REV1: variants seen among roughly 807,000 people sequenced by gnomAD.
REV1 encodes REV1 DNA directed polymerase.
Under a neutral mutation model 137.4 loss-of-function variants are expected in REV1, and 42 were observed. The ratio of observed to expected loss-of-function variants is 0.31; its 90% CI spans 0.24 to 0.40. The LOEUF is 0.40. REV1 is among the 10% of genes least tolerant of loss of function. The pLI, the probability that REV1 is intolerant of heterozygous loss-of-function variation, is 1.00. For synonymous variants in REV1, 524 were observed against 519.2 expected (o/e 1.01, Z -0.12); for missense variants, 1,282 against 1,490.1 (o/e 0.86, Z 2.30).
chr2:99,405,849 AT>A, intron 17 of REV1, 60 bp downstream of exon 17: 1 of 1,146,296 alleles, frequency 8.7e-7, no homozygotes, highest in Non-Finnish European at 1.2e-6. Context: ...GTAAACTTGT[AT>A]TTTTGTATTT....
chr2:99,430,241 G>T (rs1679945880), intron 8 of REV1, among the ~76,000 whole-genome samples: 1 of 151,604 alleles, frequency 6.6e-6, no homozygotes, highest in Non-Finnish European at 1.5e-5. Context: ...ATAACACACA[G>T]TCCCTGGAGG....
rs550040221 is a variant in REV1, at chr2:99,451,430, G to T, written c.182-1926C>A. 1.1e-4 allele frequency: 141 copies of T among 1,303,714 alleles called. 2 individuals are homozygous for T. The South Asian group carries it at 1.6e-3, about 15-fold the overall frequency. 80.8% of individuals were successfully genotyped at this position (1,303,714 alleles called of 1,614,324 possible). On this transcript the variant is annotated intron_variant, in intron 3 of 22. Transcript: ENST00000258428. ...TTGCCCTTCTACTGGATGAAGTTAA[G>T]AGGGCTCTTTGAAGTTCACTTCTGA...
intron 9 of REV1, among the ~76,000 whole-genome samples, chr2:99,426,514 A>G (rs1009800879): frequency 6.6e-6 from 1 of 152,188 alleles, no homozygotes; most frequent in Admixed American, 6.5e-5. Context: ...ACCCAGAGAA[A>G]ACTGTTTAAG....
At chr2:99,425,793 T>G (rs1008906091) in intron 9 of REV1, among the ~76,000 whole-genome samples, 1 of 152,128 alleles carries the variant, frequency 6.6e-6, no homozygotes, top group African/African-American at 2.4e-5. Flanking sequence ...TCCCAGCACT[T>G]TGGGAGGCCG....
chr2:99,428,168 A>G (rs1166849705), intron 9 of REV1, among the ~76,000 whole-genome samples: 1 of 152,130 alleles, frequency 6.6e-6, no homozygotes, highest in Non-Finnish European at 1.5e-5. Context: ...CGGAGCTCGC[A>G]TTTTACCAAC....
At chr2:99,428,826 A>T (rs1007688310) in intron 9 of REV1, among the ~76,000 whole-genome samples, 5 of 151,700 alleles carry the variant, frequency 3.3e-5, no homozygotes, top group Non-Finnish European at 4.4e-5. Context: ...TGCCTCTACT[A>T]AAAAAATACA....
chr2:99,460,709 G>A (rs1684086967), intron 3 of REV1, among the ~76,000 whole-genome samples: 1 of 151,794 alleles, frequency 6.6e-6, no homozygotes, highest in African/African-American at 2.4e-5. Flanking sequence ...ATATCTCGGT[G>A]AAATTCAGCA....
chr2:99,445,117 T>C (rs1682029855), intron 4 of REV1, among the ~76,000 whole-genome samples: 1 of 135,484 alleles, frequency 7.4e-6, no homozygotes, highest in Non-Finnish European at 1.6e-5. Context: ...TCCTACAGCC[T>C]CTGCGTTTAG....
intron 14 of REV1, among the ~76,000 whole-genome samples, chr2:99,409,866 C>T (rs57289066): frequency 2.2e-5 from 2 of 92,802 alleles, no homozygotes; most frequent in African/African-American, 4.2e-5. Context: ...CCCCCCCCCC[C>T]CAAAAAAAAC....
chr2:99,428,303 G>C (rs1679644998), intron 9 of REV1, among the ~76,000 whole-genome samples: 2 of 152,262 alleles, frequency 1.3e-5, no homozygotes, highest in South Asian at 4.2e-4. Context: ...AAAGAGACTA[G>C]CCTACTGAGC....
intron 11 of REV1, 152 bp downstream of exon 11, chr2:99,421,347 C>T: frequency 1.8e-6 from 1 of 545,906 alleles, no homozygotes; most frequent in Non-Finnish European, 3.2e-6. Context: ...ATATTTCCAG[C>T]ACTTATCTCG....
At chr2:99,453,439 CAAG>C (rs1344248736) in intron 3 of REV1, among the ~76,000 whole-genome samples, 1 of 151,996 alleles carries the variant, frequency 6.6e-6, no homozygotes, top group Non-Finnish European at 1.5e-5. Flanking sequence ...AACCGGGAAG[CAAG>C]AAGGAGCTCT....
intron 1 of REV1, among the ~76,000 whole-genome samples, chr2:99,482,796 C>T (rs147578635): frequency 3.9e-5 from 6 of 152,144 alleles, no homozygotes; most frequent in African/African-American, 1.2e-4. Context: ...CAGGCGGGAT[C>T]ACCTGAGGTC....
intron 1 of REV1, among the ~76,000 whole-genome samples, chr2:99,479,232 C>G (rs371631883): frequency 2.7e-5 from 4 of 147,034 alleles, no homozygotes; most frequent in African/African-American, 1.0e-4. Context: ...GGGGCTGAGG[C>G]AGAAGAACTG....
Position 99,412,970 on chromosome 2 carries a change from T to C in REV1, c.1952-19A>G. On this transcript the variant is annotated intron_variant, in intron 12 of 22. Transcript: ENST00000258428. ...CCAACTCCTAGGAAAGGGAATATAGTTAAGTATGCAGAATAAGCTACTAAT... is the reference window on the plus strand; with the variant it reads ...CCAACTCCTAGGAAAGGGAATATAGCTAAGTATGCAGAATAAGCTACTAAT... The C allele has an allele frequency of 6.4e-7, 1 of 1,555,720 alleles. No homozygotes were observed. The highest frequency in any genetic ancestry group is 8.9e-7 in the Non-Finnish European group (1 of 1,127,068).
At chr2:99,447,957 A>C (rs1325669736) in intron 4 of REV1, among the ~76,000 whole-genome samples, 1 of 152,122 alleles carries the variant, frequency 6.6e-6, no homozygotes, top group Non-Finnish European at 1.5e-5. Context: ...CGGCCTCCCA[A>C]AGTGCTGGGA....
intron 1 of REV1, 128 bp from the exon 2 acceptor site, chr2:99,465,113 T>C (rs1684653221): frequency 2.7e-6 from 2 of 728,370 alleles, no homozygotes; most frequent in Admixed American, 5.9e-5. Flanking sequence ...TATACAATAT[T>C]AAGTAAACTT....
chr2:99,452,268 T>C (rs1439644098), intron 3 of REV1, among the ~76,000 whole-genome samples: 1 of 151,278 alleles, frequency 6.6e-6, no homozygotes, highest in Non-Finnish European at 1.5e-5. Flanking sequence ...CTACAAAATA[T>C]GGAAAAAAAT....
chr2:99,447,351 T>C (rs1366022895), intron 4 of REV1, among the ~76,000 whole-genome samples: 1 of 152,046 alleles, frequency 6.6e-6, no homozygotes, highest in Non-Finnish European at 1.5e-5. Context: ...TTTGTATTTT[T>C]AGCAGAGACA....
Sources: gnomAD v4.1 joint callset for allele counts (sites outside exome capture counted in the v4.1 genomes callset) on GRCh38, gnomAD v4.1.1 for gene constraint, MANE v1.5 for transcripts, NCBI Gene and HGNC (gene_info 2026-07-23, HGNC 2026-07-21) for gene names.